The following GCNT1 variants were observed in gnomAD, a reference collection of about 807,000 sequenced individuals.
The protein encoded by GCNT1 is glucosaminyl (N-acetyl) transferase 1, also known as beta-1,3-galactosyl-O-glycosyl-glycoprotein beta-1,6-N-acetylglucosaminyltransferase.
A neutral mutation model predicts 26.2 loss-of-function variants in GCNT1; 16 were observed. That is an observed-to-expected ratio of 0.61 (90% CI 0.41 to 0.93). The LOEUF (loss-of-function observed/expected upper bound fraction) is 0.93, where lower values mean the gene tolerates loss of function less well. Ranked by LOEUF, GCNT1 falls within the 40% of genes least tolerant of loss-of-function variation. GCNT1 has a pLI of 0.00. For missense variants in GCNT1, 477 were observed against 526.7 expected, an observed-to-expected ratio of 0.91 and a Z score of 0.92; for synonymous variants, 183 against 190.8, an observed-to-expected ratio of 0.96 and a Z score of 0.34.
At position 76,443,877 on chromosome 9, in the gene GCNT1, G is replaced by A. The variant is rs904221971; in HGVS notation, c.-290+1562G>A. On this transcript the variant is annotated intron_variant, in intron 1 of 2. Coordinates refer to the GCNT1 transcript ENST00000442371. ...AGAGTGAGACTCTGTCTAAAAAAAG[G>A]AAAGAAAGAAAGAAAGAAAGAAAGG... 9.6e-3 allele frequency among the ~76,000 whole-genome samples: 311 copies of A among 32,426 alleles called. 6 individuals carry two copies. Among genetic ancestry groups the A allele is most frequent in the African/African-American group, 0.046 (301 of 6,582 alleles). The allele number at this position is 32,426 out of a possible 152,430, so 21.3% of individuals were successfully genotyped here. A position where few individuals can be genotyped will look rare whatever the true frequency, so the allele number is the denominator to read the frequency against.
intron 1 of GCNT1, among the ~76,000 whole-genome samples, chr9:76,430,919 C>G (rs184153372): frequency 7.8e-4 from 118 of 152,256 alleles, no homozygotes; most frequent in African/African-American, 2.8e-3. Context: ...CTCCTGACCT[C>G]AAGCAATCCA....
intron 1 of GCNT1, among the ~76,000 whole-genome samples, chr9:76,446,793 A>G (rs1424082649): frequency 6.6e-6 from 1 of 152,194 alleles, no homozygotes; most frequent in East Asian, 1.9e-4. Flanking sequence ...AGCAAAGTAA[A>G]GAACATATAT....
intron 1 of GCNT1, among the ~76,000 whole-genome samples, chr9:76,430,954 G>A (rs1173615476): frequency 8.5e-5 from 13 of 152,162 alleles, no homozygotes; most frequent in East Asian, 7.7e-4. Flanking sequence ...CCAAAGTGCC[G>A]GGATTACGGG....
At chr9:76,399,455 C>T in the GCNT1 span, 7 of 1,569,630 alleles carry the variant, frequency 4.5e-6, no homozygotes, top group South Asian at 1.1e-5. Flanking sequence ...TGAAGGTGTA[C>T]AGGTGCCCTC....
At chr9:76,500,261 T>C (rs79533593) in intron 2 of GCNT1, among the ~76,000 whole-genome samples, 6,496 of 152,224 alleles carry the variant, frequency 0.043, 431 homozygotes, top group African/African-American at 0.15. Context: ...CCTGGACCAG[T>C]TGTCTAAAGT....
At chr9:76,478,379 G>A (rs186667764) in intron 2 of GCNT1, among the ~76,000 whole-genome samples, 138 of 152,268 alleles carry the variant, frequency 9.1e-4, no homozygotes, top group Non-Finnish European at 1.8e-3. Context: ...CACTGCGAAG[G>A]TCTGCGGCTT....
chr9:76,497,438 G>C (rs1296478373), intron 2 of GCNT1, among the ~76,000 whole-genome samples: 1 of 152,122 alleles, frequency 6.6e-6, no homozygotes, highest in Non-Finnish European at 1.5e-5. Context: ...TTTGACTTCT[G>C]TATTCACCCT....
Position 76,506,411 on chromosome 9 carries a change from C to G in GCNT1, c.*2743C>G, listed in dbSNP as rs889085258. 1 of 166,652 alleles carries G rather than the reference C, an allele frequency of 6.0e-6. No individual in the cohort carries two copies. The highest frequency in any genetic ancestry group is 1.5e-5 in the Non-Finnish European group (1 of 68,084). 10.3% of individuals were successfully genotyped at this position (166,652 alleles called of 1,614,324 possible). On this transcript the variant is annotated 3_prime_UTR_variant, in exon 4 of 4. Transcript: ENST00000376730. ...AAAAAAAAATTAGCCAGGCTTGCACCTGTAATCCCAGTTACCTGGGAGGCT... is the reference window on the plus strand; with the variant it reads ...AAAAAAAAATTAGCCAGGCTTGCACGTGTAATCCCAGTTACCTGGGAGGCT...
chr9:76,490,250 A>T (rs1032793304), intron 2 of GCNT1, among the ~76,000 whole-genome samples: 2 of 152,192 alleles, frequency 1.3e-5, no homozygotes, highest in Non-Finnish European at 2.9e-5. Context: ...AGCAGTGAGG[A>T]GGTCTAGGCC....
intron 1 of GCNT1, among the ~76,000 whole-genome samples, chr9:76,426,322 C>T (rs1823256980): frequency 6.6e-6 from 1 of 152,172 alleles, no homozygotes; most frequent in Non-Finnish European, 1.5e-5. Flanking sequence ...CATTCTAGCC[C>T]TTTGGGAGGC....
intron 2 of GCNT1, among the ~76,000 whole-genome samples, chr9:76,460,461 C>T (rs1470535464): frequency 6.6e-6 from 1 of 152,126 alleles, no homozygotes; most frequent in Non-Finnish European, 1.5e-5. Context: ...CAGAGCTGTT[C>T]TGAAAGGCCG....
intron 2 of GCNT1, among the ~76,000 whole-genome samples, chr9:76,471,527 G>A (rs1197640194): frequency 6.6e-6 from 1 of 152,120 alleles, no homozygotes; most frequent in African/African-American, 2.4e-5. Context: ...TGTTTTTCAA[G>A]TCAGAAATAG....
At chr9:76,487,888 C>G (rs1235314814) in intron 2 of GCNT1, among the ~76,000 whole-genome samples, 1 of 152,134 alleles carries the variant, frequency 6.6e-6, no homozygotes, top group Non-Finnish European at 1.5e-5. Flanking sequence ...GTGCACACCA[C>G]CACACGCAGA....
At chr9:76,442,165 GC>G (rs1465464068) in exon 1 of GCNT1, 2 of 152,178 alleles carry the variant, frequency 1.3e-5, no homozygotes, top group African/African-American at 4.8e-5. Flanking sequence ...CCGGAGGAAG[GC>G]CCACAGTCAA....
At chr9:76,395,067 G>C in the GCNT1 span, among the ~76,000 whole-genome samples, 1 of 152,152 alleles carries the variant, frequency 6.6e-6, no homozygotes, top group African/African-American at 2.4e-5. Context: ...GGCGGTGACT[G>C]TCCCCTCCAG....
At chr9:76,490,081 T>C (rs1011477538) in intron 2 of GCNT1, among the ~76,000 whole-genome samples, 3 of 152,216 alleles carry the variant, frequency 2.0e-5, no homozygotes, top group East Asian at 1.9e-4. Flanking sequence ...GGAGAAGTCA[T>C]GTCCACCAAC....
rs1564225866 is a variant in GCNT1 at position 76,443,939 on chromosome 9, AAGGAAGG to A, written c.-290+1626_-290+1632del. Among the ~76,000 whole-genome samples the A allele has an allele frequency of 7.7e-3, 481 of 62,510 alleles. 2 individuals carry two copies. The highest frequency in any genetic ancestry group is 0.026 in the African/African-American group (439 of 16,918). 41.0% of individuals were successfully genotyped at this position (62,510 alleles called of 152,430 possible). ...AAAGGAAGAAAGGAAGAAAGGAAGG[AAGGAAGG>A]AAGGAAGGAAGGAAGGAAGGAAGGA... On this transcript the variant is annotated intron_variant, in intron 1 of 2. Coordinates refer to the GCNT1 transcript ENST00000442371.
intron 2 of GCNT1, among the ~76,000 whole-genome samples, chr9:76,471,340 T>G (rs1443285362): frequency 6.6e-6 from 1 of 152,128 alleles, no homozygotes; most frequent in Non-Finnish European, 1.5e-5. Context: ...TTGTCTGTCT[T>G]TATGCCTTTG....
At chr9:76,442,643 C>T (rs928250760) in intron 1 of GCNT1, among the ~76,000 whole-genome samples, 3 of 151,980 alleles carry the variant, frequency 2.0e-5, no homozygotes, top group South Asian at 2.1e-4. Context: ...ATCATGCCAC[C>T]GCACTCCAGC....
Sources: gnomAD v4.1 joint callset for allele counts (sites outside exome capture counted in the v4.1 genomes callset) on GRCh38, gnomAD v4.1.1 for gene constraint, MANE v1.5 for transcripts, NCBI Gene and HGNC (gene_info 2026-07-23, HGNC 2026-07-21) for gene names.